DCLRE1C: variants seen among roughly 807,000 people sequenced by gnomAD.
DCLRE1C encodes the protein protein artemis.
DCLRE1C carries 47 observed loss-of-function variants against 61.4 expected under a neutral mutation model. The observed-to-expected ratio is 0.77, with a 90% CI of 0.61 to 0.98. The LOEUF (loss-of-function observed/expected upper bound fraction) is 0.98, where lower values mean the gene tolerates loss of function less well. Ranked by LOEUF, DCLRE1C falls within the 50% of genes least tolerant of loss-of-function variation. DCLRE1C has a pLI of 0.00. For missense variants in DCLRE1C, 858 were observed against 816.0 expected (o/e 1.05, Z -0.63); for synonymous variants, 337 against 287.6 (o/e 1.17, Z -1.74).
At chr10:14,919,322 C>T (rs41299728) in intron 13 of DCLRE1C, among the ~76,000 whole-genome samples, 79 of 152,122 alleles carry the variant, frequency 5.2e-4, no homozygotes, top group African/African-American at 1.7e-3. Context: ...TACTGATCAA[C>T]TTGATCAGAA....
At chr10:14,913,572 A>G (rs1000529495) in intron 13 of DCLRE1C, among the ~76,000 whole-genome samples, 1 of 152,250 alleles carries the variant, frequency 6.6e-6, no homozygotes, top group Non-Finnish European at 1.5e-5. Flanking sequence ...CTGATATGTT[A>G]AAGATGTATA....
rs141191487 is a variant in DCLRE1C at position 14,940,866 on chromosome 10, T to C, written c.247-997A>G. ...CTTTATGAGGATTCTTACATTTTCA[T>C]GTATGAAATGGGTTTTTCCCCATTT... On this transcript the variant is annotated intron_variant, in intron 3 of 13. Coordinates refer to ENST00000378278, the MANE Select transcript of DCLRE1C (RefSeq NM_001033855.3). Among the ~76,000 whole-genome samples the C allele has an allele frequency of 7.2e-3, 1,094 of 151,864 alleles. 6 individuals carry two copies. Among genetic ancestry groups the C allele is most frequent in the Middle Eastern group, 0.031 (9 of 294 alleles).
chr10:14,919,709 C>G (rs373250841), intron 13 of DCLRE1C, 29 bp downstream of exon 13: 15 of 1,554,362 alleles, frequency 9.7e-6, no homozygotes, highest in Non-Finnish European at 1.3e-5. Flanking sequence ...GGGAGCCCAC[C>G]CCTCTGAACC....
At chr10:14,902,617 T>A, downstream of DCLRE1C, 1 of 700,944 alleles carries the variant, frequency 1.4e-6, no homozygotes, top group Non-Finnish European at 2.2e-6. Context: ...CTACCTATGT[T>A]AATTTACAAT....
At chr10:14,901,682 C>A (rs11259384), downstream of DCLRE1C, among the ~76,000 whole-genome samples, 11,920 of 151,624 alleles carry the variant, frequency 0.079, 901 homozygotes, top group East Asian at 0.27. Context: ...TATGAAAAAA[C>A]TAGCCGGGCG....
chr10:14,908,187 T>TTG lies in DCLRE1C; in HGVS notation c.*220_*221insCA. 1 of 230,636 alleles carries TTG rather than the reference T, an allele frequency of 4.3e-6. No individual in the cohort carries two copies. Among genetic ancestry groups the TTG allele is most frequent in the Non-Finnish European group, 8.1e-6 (1 of 122,848 alleles). 14.3% of individuals were successfully genotyped at this position (230,636 alleles called of 1,614,324 possible). ...TGGCTTTTTTTTTTTTTTTTTTTTTTGTAAGTAGAGACACATTTCACTGTG... is the reference window on the plus strand; with the variant it reads ...TGGCTTTTTTTTTTTTTTTTTTTTTTTGGTAAGTAGAGACACATTTCACTGTG... On this transcript the variant is annotated 3_prime_UTR_variant, in exon 14 of 14. Coordinates refer to ENST00000378278, the MANE Select transcript of DCLRE1C (RefSeq NM_001033855.3).
At chr10:14,915,407 C>G (rs1231082728) in intron 13 of DCLRE1C, among the ~76,000 whole-genome samples, 1 of 151,496 alleles carries the variant, frequency 6.6e-6, no homozygotes, top group Non-Finnish European at 1.5e-5. Flanking sequence ...CTAGACTAAT[C>G]AAGAAAAAAA....
rs770912514 is a variant in DCLRE1C at position 14,954,034 on chromosome 10, G to A, written c.-24C>T. 5.6e-6 allele frequency: 9 copies of A among 1,613,668 alleles called. No homozygotes were observed. Among genetic ancestry groups the A allele is most frequent in the Non-Finnish European group, 7.6e-6 (9 of 1,179,872 alleles). ...ATAGCGCCGCCGATCCCAGAGTCCG[G>A]GACCCCAAAACCGCAGCTGAAGCCA... On this transcript the variant is annotated 5_prime_UTR_variant, in exon 1 of 14. Transcript: ENST00000378278.
chr10:14,921,499 T>TA lies in DCLRE1C; in HGVS notation c.1061+1481dup, dbSNP rs145462971. Among the ~76,000 whole-genome samples, 540 of 152,338 alleles carry TA rather than the reference T, an allele frequency of 3.5e-3. 6 individuals carry two copies. Among genetic ancestry groups the TA allele is most frequent in the Middle Eastern group, 0.01 (3 of 294 alleles). On this transcript the variant is annotated intron_variant, in intron 12 of 13. Coordinates refer to ENST00000378278, the MANE Select transcript of DCLRE1C (RefSeq NM_001033855.3). The stretch of plus-strand genomic sequence containing the variant: ...ACTTTCCCTTCACTGTCAAACTTTT[T>TA]ATATAGTCTGTCCTCAGTATTTTCC...
intron 4 of DCLRE1C, 69 bp downstream of exon 4, chr10:14,939,739 CAA>C: frequency 7.4e-7 from 1 of 1,354,088 alleles, no homozygotes; most frequent in East Asian, 2.5e-5. Flanking sequence ...ACTGCAAAAT[CAA>C]AGAGAAATAT....
At chr10:14,899,401 G>T (rs1457158778) in intron 13 of DCLRE1C, 2 of 877,070 alleles carry the variant, frequency 2.3e-6, no homozygotes, top group East Asian at 2.6e-5. Flanking sequence ...GTCTTAGTTT[G>T]TGTGAATGTT....
Position 14,898,202 on chromosome 10 carries a change from C to CTTTTTTTTTTTTTTT in DCLRE1C, c.*947_*961dup, listed in dbSNP as rs919860514. On this transcript the variant is annotated 3_prime_UTR_variant, in exon 14 of 14. Transcript: ENST00000378289. The stretch of plus-strand genomic sequence containing the variant: ...AAAACTCAGTGAGGTAGTACTGTTT[C>CTTTTTTTTTTTTTTT]TTTTTTTTTTTTTTTTTTTTTTTTT... 9.3e-4 allele frequency: 52 copies of CTTTTTTTTTTTTTTT among 56,150 alleles called. 3 individuals are homozygous for CTTTTTTTTTTTTTTT. The highest frequency in any genetic ancestry group is 1.3e-3 in the African/African-American group (18 of 14,148). The allele number at this position is 56,150 out of a possible 1,614,324, so 3.5% of individuals were successfully genotyped here. A position where few individuals can be genotyped will look rare whatever the true frequency, so the allele number is the denominator to read the frequency against.
intron 4 of DCLRE1C, among the ~76,000 whole-genome samples, chr10:14,938,869 G>A (rs1387503261): frequency 1.3e-5 from 2 of 152,078 alleles, no homozygotes; most frequent in Non-Finnish European, 2.9e-5. Flanking sequence ...ATGTAATAAG[G>A]AACAAATGTG....
chr10:14,940,628 C>G (rs893578745), intron 3 of DCLRE1C, among the ~76,000 whole-genome samples: 1 of 152,128 alleles, frequency 6.6e-6, no homozygotes, highest in East Asian at 1.9e-4. Flanking sequence ...CTCCCTGGTA[C>G]ATTTCCCCCT....
chr10:14,945,240 T>G lies in DCLRE1C; in HGVS notation c.162-51A>C, dbSNP rs543465027. ...TCAGTACAATCCAAAATGAGCCATC[T>G]TGGTGACTAAGAAATCTATTTCATC... On this transcript the variant is annotated intron_variant, in intron 2 of 13. Transcript: ENST00000378278. 415 of 1,550,338 alleles carry G rather than the reference T, an allele frequency of 2.7e-4. 1 individual carries two copies. The highest frequency in any genetic ancestry group is 2.8e-4 in the Non-Finnish European group (322 of 1,133,332).
Position 14,928,089 on chromosome 10 carries a change from G to C in DCLRE1C, c.844C>G (p.Leu282Val). 6.2e-7 allele frequency: 1 copy of C among 1,613,552 alleles called. No individual in the cohort carries two copies. The highest frequency in any genetic ancestry group is 8.5e-7 in the Non-Finnish European group (1 of 1,179,656). Residue 282 changes from leucine (L) to valine (V), a missense_variant, in exon 10 of 14, where the codon CTC becomes GTC. Transcript: ENST00000378278. ...GATGGCTTAATGCTGATTATGTGGA[G>C]TGGAATTCTATTTCTGGAAGTAATT... Reference protein sequence around the residue: ...CGITSRNRIPLHIISIKPSTM... With the variant: ...CGITSRNRIPVHIISIKPSTM...
intron 9 of DCLRE1C, among the ~76,000 whole-genome samples, chr10:14,929,232 C>A (rs530954906): frequency 1.3e-5 from 2 of 151,988 alleles, no homozygotes; most frequent in African/African-American, 4.8e-5. Context: ...TGGTGAAACT[C>A]TGTCTCTACT....
chr10:14,938,616 T>A (rs1431279886), intron 4 of DCLRE1C, among the ~76,000 whole-genome samples: 1 of 152,204 alleles, frequency 6.6e-6, no homozygotes, highest in Non-Finnish European at 1.5e-5. Flanking sequence ...TGTATGTCTA[T>A]AGTCCTACTT....
chr10:14,953,460 T>C (rs992958872), intron 1 of DCLRE1C, among the ~76,000 whole-genome samples: 1 of 152,112 alleles, frequency 6.6e-6, no homozygotes, highest in African/African-American at 2.4e-5. Flanking sequence ...GAGCTTGCAC[T>C]TCGTGGAGCT....
Sources: gnomAD v4.1 joint callset for allele counts (sites outside exome capture counted in the v4.1 genomes callset) on GRCh38, gnomAD v4.1.1 for gene constraint, MANE v1.5 for transcripts, NCBI Gene and HGNC (gene_info 2026-07-23, HGNC 2026-07-21) for gene names.